KLF13: variants seen among roughly 807,000 people sequenced by gnomAD.
KLF13 encodes Krueppel-like factor 13.
In KLF13, 8 loss-of-function variants were observed where a neutral mutation model predicts 16.7. The ratio of observed to expected loss-of-function variants is 0.48; its 90% CI spans 0.28 to 0.87. The LOEUF (loss-of-function observed/expected upper bound fraction) is 0.87. Among genes scored for constraint, KLF13 ranks in the 40% least tolerant of loss-of-function variants. The pLI is 0.10. For synonymous variants in KLF13, 245 were observed against 208.4 expected, an observed-to-expected ratio of 1.18 and a Z score of -1.51; for missense variants, 447 against 452.2, an observed-to-expected ratio of 0.99 and a Z score of 0.10.
rs561081134 is a variant in KLF13 at position 31,397,298 on chromosome 15, C to T, written n.529+3607C>T. On this transcript the variant is annotated intron_variant and non_coding_transcript_variant, in intron 2 of 2. Transcript: ENST00000500533. ...CACGTGGCAGGGTGGGCAGGCTTCC[C>T]GGCGCTCCGCTCAGGCCACGCCCAG... Among the ~76,000 whole-genome samples the T allele has an allele frequency of 2.2e-3, 334 of 152,224 alleles. 2 individuals carry two copies. Among genetic ancestry groups the T allele is most frequent in the African/African-American group, 7.5e-3 (311 of 41,540 alleles).
intron 1 of KLF13, among the ~76,000 whole-genome samples, chr15:31,432,466 T>C (rs967490925): frequency 7.1e-6 from 1 of 141,054 alleles, no homozygotes; most frequent in African/African-American, 2.6e-5. Flanking sequence ...TTTTTTTTTT[T>C]AAAATAAGGT....
intron 1 of KLF13, among the ~76,000 whole-genome samples, chr15:31,416,803 G>A (rs2040261293): frequency 6.6e-6 from 1 of 152,134 alleles, no homozygotes; most frequent in Non-Finnish European, 1.5e-5. Flanking sequence ...AGATATATTA[G>A]AAATTTCATT....
At chr15:31,399,544 A>G (rs891691248) in intron 2 of KLF13, among the ~76,000 whole-genome samples, 3 of 152,158 alleles carry the variant, frequency 2.0e-5, no homozygotes, top group Admixed American at 6.5e-5. Context: ...CTGCCCACAC[A>G]GGGGATTCCT....
At chr15:31,394,738 C>G (rs1483470022) in intron 2 of KLF13, among the ~76,000 whole-genome samples, 1 of 152,122 alleles carries the variant, frequency 6.6e-6, no homozygotes, top group Admixed American at 6.5e-5. Context: ...GACGTGCAAC[C>G]ATTACCACAG....
chr15:31,368,845 T>C (rs1395883794), intron 1 of KLF13, among the ~76,000 whole-genome samples: 3 of 152,036 alleles, frequency 2.0e-5, no homozygotes, highest in Non-Finnish European at 4.4e-5. Context: ...GATAGATAGA[T>C]AGGTAGATAG....
chr15:31,393,952 C>T (rs983741455), intron 2 of KLF13, among the ~76,000 whole-genome samples: 3 of 152,240 alleles, frequency 2.0e-5, no homozygotes, highest in African/African-American at 7.2e-5. Context: ...ACTGCCTTTG[C>T]CCTTGCATCT....
Position 31,423,104 on chromosome 15 carries a change from T to TATGTATACATATATAC in KLF13, n.118-12265_118-12264insTGTATACATATATACA. Among the ~76,000 whole-genome samples the TATGTATACATATATAC allele has an allele frequency of 1.8e-5, 2 of 108,834 alleles. 1 individual carries two copies. The highest frequency in any genetic ancestry group is 3.5e-5 in the Non-Finnish European group (2 of 56,918). 71.4% of individuals were successfully genotyped at this position (108,834 alleles called of 152,430 possible). A position where few individuals can be genotyped will look rare whatever the true frequency, so the allele number is the denominator to read the frequency against. Reference sequence around the variant, plus strand: ...ACATATATATACGTATATATACGTATACGTATACGTATATATACGTATATA... The same window carrying TATGTATACATATATAC: ...ACATATATATACGTATATATACGTATATGTATACATATATACACGTATACGTATATATACGTATATA... On this transcript the variant is annotated intron_variant and non_coding_transcript_variant, in intron 1 of 1. Transcript: ENST00000558225.
downstream of KLF13, among the ~76,000 whole-genome samples, chr15:31,409,291 A>T (rs1042598394): frequency 6.6e-6 from 1 of 152,056 alleles, no homozygotes; most frequent in African/African-American, 2.4e-5. Flanking sequence ...ACTCAAAAAA[A>T]CCCCAAAAAA....
chr15:31,406,916 A>T (rs145009694), downstream of KLF13, among the ~76,000 whole-genome samples: 1,443 of 152,186 alleles, frequency 9.5e-3, 11 homozygotes, highest in Non-Finnish European at 0.014. Context: ...CCCTCTTATG[A>T]GGACTCTTGT....
chr15:31,418,545 A>G (rs928758173), intron 1 of KLF13, among the ~76,000 whole-genome samples: 3 of 152,184 alleles, frequency 2.0e-5, no homozygotes, highest in Non-Finnish European at 4.4e-5. Flanking sequence ...AAAGAGGACT[A>G]TCACTATCAA....
At position 31,356,467 on chromosome 15, in the gene KLF13, G is replaced by T. The variant is rs1055596892; in HGVS notation, c.578-15543G>T. Among the ~76,000 whole-genome samples the T allele has an allele frequency of 2.0e-5, 3 of 152,306 alleles. No homozygotes were observed. In the South Asian group the frequency reaches 6.2e-4, roughly 32 times the overall value. On this transcript the variant is annotated intron_variant, in intron 1 of 1. Coordinates refer to ENST00000307145, the MANE Select transcript of KLF13 (RefSeq NM_015995.4). ...CTCAGGAGACTGAGGCAGGAGACTCGCTTGAACCCGGGAGACAGAGGTTTC... is the reference window on the plus strand; with the variant it reads ...CTCAGGAGACTGAGGCAGGAGACTCTCTTGAACCCGGGAGACAGAGGTTTC...
At chr15:31,397,676 G>A (rs2039972594) in intron 2 of KLF13, among the ~76,000 whole-genome samples, 1 of 152,212 alleles carries the variant, frequency 6.6e-6, no homozygotes, top group South Asian at 2.1e-4. Flanking sequence ...GACTAAATGA[G>A]CTACTCTTTG....
intron 1 of KLF13, among the ~76,000 whole-genome samples, chr15:31,342,181 G>T (rs958938196): frequency 5.3e-5 from 8 of 152,176 alleles, no homozygotes; most frequent in Admixed American, 2.6e-4. Context: ...CTTGAAAGTT[G>T]CCCTGCACCC....
chr15:31,355,164 A>T (rs978704241), intron 1 of KLF13, among the ~76,000 whole-genome samples: 1 of 152,230 alleles, frequency 6.6e-6, no homozygotes, highest in Non-Finnish European at 1.5e-5. Context: ...GAAACAATCA[A>T]CAGTGCTACT....
At chr15:31,398,776 G>A (rs964078682) in intron 2 of KLF13, among the ~76,000 whole-genome samples, 4 of 152,124 alleles carry the variant, frequency 2.6e-5, no homozygotes, top group Non-Finnish European at 5.9e-5. Context: ...CATGCACGGT[G>A]CCCTCCTCCC....
chr15:31,371,189 C>G (rs1284701058), intron 1 of KLF13, among the ~76,000 whole-genome samples: 1 of 152,136 alleles, frequency 6.6e-6, no homozygotes, highest in Non-Finnish European at 1.5e-5. Context: ...TTGAGTTTGC[C>G]TGGGTAAATG....
At chr15:31,413,117 G>A (rs1167915893) in intron 1 of KLF13, among the ~76,000 whole-genome samples, 1 of 138,140 alleles carries the variant, frequency 7.2e-6, no homozygotes, top group Non-Finnish European at 1.5e-5. Flanking sequence ...GCCAGAGACA[G>A]AAAGAGAGTG....
intron 1 of KLF13, among the ~76,000 whole-genome samples, chr15:31,425,891 A>T (rs1320067719): frequency 6.6e-6 from 1 of 152,202 alleles, no homozygotes; most frequent in Non-Finnish European, 1.5e-5. Context: ...AAGAAAAAAA[A>T]TCTAAATGCC....
Position 31,421,518 on chromosome 15 carries a change from G to A in KLF13, n.118-13852G>A, listed in dbSNP as rs565908583. ...TGTGAAATAAATAACATAAAGTAGG[G>A]GAGATGTAAAATTTTTTATGTAATT... On this transcript the variant is annotated intron_variant and non_coding_transcript_variant, in intron 1 of 1. Transcript: ENST00000558225. 2.0e-5 allele frequency among the ~76,000 whole-genome samples: 3 copies of A among 152,156 alleles called. No homozygotes were observed. In the South Asian group the frequency reaches 6.2e-4, roughly 32 times the overall value.
Sources: gnomAD v4.1 joint callset for allele counts (sites outside exome capture counted in the v4.1 genomes callset) on GRCh38, gnomAD v4.1.1 for gene constraint, MANE v1.5 for transcripts, NCBI Gene and HGNC (gene_info 2026-07-23, HGNC 2026-07-21) for gene names.